ESCO1: variants seen among roughly 807,000 people sequenced by gnomAD.
The protein encoded by ESCO1 is establishment of sister chromatid cohesion N-acetyltransferase 1.
ESCO1 carries 33 observed loss-of-function variants against 83.5 expected under a neutral mutation model. The observed-to-expected ratio is 0.40, with a 90% CI of 0.30 to 0.53. ESCO1 has a LOEUF of 0.53. Among genes scored for constraint, ESCO1 ranks in the 20% least tolerant of loss-of-function variants. The pLI, the probability that ESCO1 is intolerant of heterozygous loss-of-function variation, is 0.63. For synonymous variants in ESCO1, 332 were observed against 324.3 expected, an observed-to-expected ratio of 1.02 and a Z score of -0.25; for missense variants, 855 against 968.0, an observed-to-expected ratio of 0.88 and a Z score of 1.55.
intron 1 of ESCO1, among the ~76,000 whole-genome samples, chr18:21,588,045 T>C (rs2038606835): frequency 6.7e-6 from 1 of 148,464 alleles, no homozygotes. Context: ...GCTATGATCC[T>C]GCCTACGAAC....
At position 21,530,107 on chromosome 18, in the gene ESCO1, T is replaced by C. The variant is rs1004789165; in HGVS notation, c.*236A>G. On this transcript the variant is annotated 3_prime_UTR_variant, in exon 12 of 12. Coordinates refer to ENST00000269214, the MANE Select transcript of ESCO1 (RefSeq NM_052911.3). ...GCATGTAAACATGTCTAAATAACTA[T>C]AGATAAAATACATCAATCATAAATT... The C allele has an allele frequency of 1.4e-5, 5 of 353,230 alleles. No individual in the cohort carries two copies. The highest frequency in any genetic ancestry group is 4.2e-5 in the African/African-American group (2 of 47,508). The allele number at this position is 353,230 out of a possible 1,614,324, so 21.9% of individuals were successfully genotyped here.
chr18:21,578,157 C>A (rs1490414261), intron 2 of ESCO1, among the ~76,000 whole-genome samples: 1 of 151,918 alleles, frequency 6.6e-6, no homozygotes. Context: ...CAAGAATCAC[C>A]ACAAATACAA....
intron 9 of ESCO1, among the ~76,000 whole-genome samples, chr18:21,538,799 T>C (rs2037868575): frequency 6.6e-6 from 1 of 152,144 alleles, no homozygotes; most frequent in African/African-American, 2.4e-5. Flanking sequence ...TCAGATAAAC[T>C]TAACTGAACC....
In ESCO1 at chr18:21,529,515, T is replaced by G. The variant is rs1037844129; in HGVS notation, c.*828A>C. On this transcript the variant is annotated 3_prime_UTR_variant, in exon 12 of 12. Coordinates refer to ENST00000269214, the MANE Select transcript of ESCO1 (RefSeq NM_052911.3). ...AAGCAGATACCGAGTCATCCATACT[T>G]TGCTTCCAAGTATTCTATACGTTTT... 6.6e-6 allele frequency: 1 copy of G among 152,214 alleles called. No homozygotes were observed. Among genetic ancestry groups the G allele is most frequent in the Non-Finnish European group, 1.5e-5 (1 of 68,032 alleles). The allele number at this position is 152,214 out of a possible 1,614,324, so 9.4% of individuals were successfully genotyped here.
intron 8 of ESCO1, among the ~76,000 whole-genome samples, chr18:21,559,013 A>G (rs1035652897): frequency 2.0e-5 from 3 of 152,232 alleles, no homozygotes; most frequent in African/African-American, 4.8e-5. Flanking sequence ...AAATGTTTTA[A>G]AGTCACAACC....
intron 1 of ESCO1, among the ~76,000 whole-genome samples, chr18:21,592,544 C>T (rs1339028132): frequency 1.4e-5 from 2 of 142,592 alleles, no homozygotes; most frequent in East Asian, 4.4e-4. Flanking sequence ...GGCGGCTGGC[C>T]GGGCGGGGGG....
At chr18:21,596,627 G>A (rs758259255) in intron 1 of ESCO1, among the ~76,000 whole-genome samples, 3 of 152,054 alleles carry the variant, frequency 2.0e-5, no homozygotes, top group Non-Finnish European at 4.4e-5. Flanking sequence ...GAGGTCAGGA[G>A]TTCAAGACTA....
chr18:21,569,336 G>A lies in ESCO1; in HGVS notation c.1531-1242C>T, dbSNP rs1018559246. Among the ~76,000 whole-genome samples the A allele has an allele frequency of 3.3e-5, 5 of 152,192 alleles. No individual in the cohort carries two copies. The South Asian group carries it at 6.2e-4, about 19-fold the overall frequency. On this transcript the variant is annotated intron_variant, in intron 4 of 11. Transcript: ENST00000269214. ...CTTCAGGCGGGGCGTGGTGGCTCAC[G>A]CCTGTAATCCCAGAACTTTTGGGAG...
At position 21,564,331 on chromosome 18, in the gene ESCO1, A is replaced by G; in HGVS notation, c.1707-14T>C. The G allele has an allele frequency of 6.7e-7, 1 of 1,493,098 alleles. No homozygotes were observed. Among genetic ancestry groups the G allele is most frequent in the Non-Finnish European group, 9.2e-7 (1 of 1,083,022 alleles). 92.5% of individuals were successfully genotyped at this position (1,493,098 alleles called of 1,614,324 possible). A position where few individuals can be genotyped will look rare whatever the true frequency, so the allele number is the denominator to read the frequency against. ...CGTGGTGTCTCCCTTAAAAAAAATAAAATTACTAAATGTTACAGATCCAAG... is the reference window on the plus strand; with the variant it reads ...CGTGGTGTCTCCCTTAAAAAAAATAGAATTACTAAATGTTACAGATCCAAG... On this transcript the variant is annotated splice_polypyrimidine_tract_variant and intron_variant, in intron 6 of 11. Coordinates refer to ENST00000269214, the MANE Select transcript of ESCO1 (RefSeq NM_052911.3).
At chr18:21,592,893 C>T (rs1408639548) in intron 1 of ESCO1, 15 of 166,710 alleles carry the variant, frequency 9.0e-5, no homozygotes, top group Non-Finnish European at 1.4e-4. Context: ...TGGGCAGAGA[C>T]GCTCCTCACC....
intron 1 of ESCO1, among the ~76,000 whole-genome samples, chr18:21,600,161 C>A (rs1482082150): frequency 6.6e-6 from 1 of 152,258 alleles, no homozygotes; most frequent in African/African-American, 2.4e-5. Context: ...CGGCGAGGGA[C>A]TGGCTCCGGT....
At chr18:21,579,704 G>A (rs776611085) in intron 2 of ESCO1, among the ~76,000 whole-genome samples, 5 of 150,288 alleles carry the variant, frequency 3.3e-5, no homozygotes, top group Non-Finnish European at 5.9e-5. Flanking sequence ...CCAAGGAGGT[G>A]GAGGTTGCAG....
intron 11 of ESCO1, among the ~76,000 whole-genome samples, chr18:21,531,204 G>T (rs1438547844): frequency 2.0e-5 from 3 of 152,112 alleles, no homozygotes; most frequent in Non-Finnish European, 4.4e-5. Flanking sequence ...CATTTTGGGA[G>T]GCCAAGGTGA....
At chr18:21,589,294 T>C (rs546571189) in intron 1 of ESCO1, among the ~76,000 whole-genome samples, 1 of 152,152 alleles carries the variant, frequency 6.6e-6, no homozygotes, top group African/African-American at 2.4e-5. Flanking sequence ...ATTACCCTAT[T>C]ACTTCAATGT....
At chr18:21,559,585 A>G (rs1336897731) in intron 8 of ESCO1, among the ~76,000 whole-genome samples, 1 of 152,240 alleles carries the variant, frequency 6.6e-6, no homozygotes, top group Non-Finnish European at 1.5e-5. Context: ...TACACTGAGT[A>G]GAATTTACTT....
At chr18:21,598,233 A>C (rs2038792141) in intron 1 of ESCO1, among the ~76,000 whole-genome samples, 1 of 152,230 alleles carries the variant, frequency 6.6e-6, no homozygotes. Flanking sequence ...AGCGCTGGTC[A>C]CGTTCATTAA....
chr18:21,557,817 C>T (rs1289992409), intron 8 of ESCO1, among the ~76,000 whole-genome samples: 1 of 152,070 alleles, frequency 6.6e-6, no homozygotes, highest in Non-Finnish European at 1.5e-5. Flanking sequence ...AATATGTATG[C>T]CAGGGGAGAG....
chr18:21,590,773 C>T (rs1389632237), intron 1 of ESCO1, among the ~76,000 whole-genome samples: 1 of 151,678 alleles, frequency 6.6e-6, no homozygotes, highest in African/African-American at 2.4e-5. Flanking sequence ...TGTGAAGAAA[C>T]CATCTCTACT....
At chr18:21,549,195 A>C (rs2038013131) in intron 8 of ESCO1, among the ~76,000 whole-genome samples, 1 of 152,080 alleles carries the variant, frequency 6.6e-6, no homozygotes, top group Non-Finnish European at 1.5e-5. Context: ...CAAACCCCAA[A>C]ATGCCATTTG....
Sources: gnomAD v4.1 joint callset for allele counts (sites outside exome capture counted in the v4.1 genomes callset) on GRCh38, gnomAD v4.1.1 for gene constraint, MANE v1.5 for transcripts, NCBI Gene and HGNC (gene_info 2026-07-23, HGNC 2026-07-21) for gene names.